The following NDUFA5 variants were observed in gnomAD, a reference collection of about 807,000 sequenced individuals.
NDUFA5 encodes NADH dehydrogenase [ubiquinone] 1 alpha subcomplex subunit 5.
NDUFA5 carries 11 observed loss-of-function variants against 19.8 expected under a neutral mutation model. The observed-to-expected ratio is 0.56, with a 90% CI of 0.35 to 0.92. The LOEUF is 0.92. NDUFA5 is among the 40% of genes least tolerant of loss of function. The probability of loss-of-function intolerance (pLI) is 0.01; values close to 1 mark genes in which losing one functional copy is unlikely to be tolerated. For missense variants in NDUFA5, 109 were observed against 134.2 expected, an observed-to-expected ratio of 0.81 and a Z score of 0.93; for synonymous variants, 47 against 46.8, an observed-to-expected ratio of 1.00 and a Z score of -0.01.
the NDUFA5 span, among the ~76,000 whole-genome samples, chr7:123,562,952 A>G: frequency 6.7e-6 from 1 of 148,270 alleles, no homozygotes; most frequent in Non-Finnish European, 1.5e-5. Flanking sequence ...CAGGCACACC[A>G]CTCCCAGCTA....
intron 2 of NDUFA5, among the ~76,000 whole-genome samples, chr7:123,553,302 A>G (rs1013806782): frequency 4.6e-5 from 7 of 152,240 alleles, no homozygotes; most frequent in Non-Finnish European, 8.8e-5. Context: ...AAGATGAAAG[A>G]GGGGCAAAGG....
the NDUFA5 span, among the ~76,000 whole-genome samples, chr7:123,586,341 A>C: frequency 6.6e-6 from 1 of 151,708 alleles, no homozygotes; most frequent in Non-Finnish European, 1.5e-5. Context: ...GATGTTGAGG[A>C]CCTTTTCACT....
chr7:123,549,842 A>G (rs933697942), intron 3 of NDUFA5, among the ~76,000 whole-genome samples: 3 of 152,220 alleles, frequency 2.0e-5, no homozygotes, highest in Admixed American at 6.5e-5. Context: ...AACGAAAGAT[A>G]GGAATTCTCT....
At chr7:123,598,294 A>C in the NDUFA5 span, among the ~76,000 whole-genome samples, 4 of 152,168 alleles carry the variant, frequency 2.6e-5, no homozygotes, top group Non-Finnish European at 5.9e-5. Context: ...GATAACAATG[A>C]TATGAAATAA....
upstream of NDUFA5, chr7:123,558,200 A>T: frequency 4.1e-6 from 1 of 241,108 alleles, no homozygotes; most frequent in East Asian, 9.7e-5. Flanking sequence ...GAAAGTGATA[A>T]CGGAGCTTGA....
upstream of NDUFA5, among the ~76,000 whole-genome samples, chr7:123,562,860 C>A (rs1798706275): frequency 6.7e-6 from 1 of 149,380 alleles, no homozygotes; most frequent in Non-Finnish European, 1.5e-5. Context: ...TGCAGCAGCA[C>A]GATCTCGCCT....
In NDUFA5 at chr7:123,541,185, G is replaced by A. The variant is rs368698780; in HGVS notation, c.*934C>T. On this transcript the variant is annotated 3_prime_UTR_variant, in exon 5 of 5. Coordinates refer to ENST00000355749, the MANE Select transcript of NDUFA5 (RefSeq NM_005000.5). The stretch of plus-strand genomic sequence containing the variant: ...GTGACTCCACTTTTAATTTATGGTC[G>A]TATGACTAAGATGTTTTGAATATAA... The A allele has an allele frequency of 1.3e-5, 2 of 152,104 alleles. No homozygotes were observed. Among genetic ancestry groups the A allele is most frequent in the Admixed American group, 6.6e-5 (1 of 15,264 alleles). The allele number at this position is 152,104 out of a possible 1,614,324, so 9.4% of individuals were successfully genotyped here.
the NDUFA5 span, among the ~76,000 whole-genome samples, chr7:123,575,787 A>AT: frequency 7.2e-6 from 1 of 138,370 alleles, no homozygotes; most frequent in Non-Finnish European, 1.6e-5. Flanking sequence ...GAATTATTTG[A>AT]TTTTTTTAAC....
the NDUFA5 span, among the ~76,000 whole-genome samples, chr7:123,569,024 T>C: frequency 1.3e-5 from 2 of 152,314 alleles, no homozygotes; most frequent in Middle Eastern, 3.4e-3. Flanking sequence ...ATATGAATGT[T>C]TTTTAAAAAC....
At chr7:123,584,476 C>T in the NDUFA5 span, among the ~76,000 whole-genome samples, 1 of 151,950 alleles carries the variant, frequency 6.6e-6, no homozygotes. Flanking sequence ...ATGGAAGTCA[C>T]ACTTAAGAGT....
upstream of NDUFA5, among the ~76,000 whole-genome samples, chr7:123,558,723 G>C (rs1448573009): frequency 6.6e-6 from 1 of 152,098 alleles, no homozygotes; most frequent in African/African-American, 2.4e-5. Flanking sequence ...TGATTGTTAA[G>C]GTAAACTGGT....
At chr7:123,552,058 G>A (rs1345193949) in intron 2 of NDUFA5, among the ~76,000 whole-genome samples, 2 of 151,820 alleles carry the variant, frequency 1.3e-5, no homozygotes, top group Admixed American at 6.6e-5. Context: ...TAATCATTAC[G>A]CCAAAACACA....
At chr7:123,557,355 T>G (rs1473878864) in intron 2 of NDUFA5, 49 bp downstream of exon 2, 1 of 1,611,916 alleles carries the variant, frequency 6.2e-7, no homozygotes, top group South Asian at 1.1e-5. Flanking sequence ...TGACAGGAAT[T>G]TAGTCTTCCT....
chr7:123,599,387 G>C, the NDUFA5 span, among the ~76,000 whole-genome samples: 1 of 152,210 alleles, frequency 6.6e-6, no homozygotes, highest in Non-Finnish European at 1.5e-5. Context: ...GCCTCATAAA[G>C]AATGGGCTGG....
At chr7:123,577,260 T>C in the NDUFA5 span, among the ~76,000 whole-genome samples, 1 of 152,158 alleles carries the variant, frequency 6.6e-6, no homozygotes, top group Non-Finnish European at 1.5e-5. Flanking sequence ...TGCATTTTAT[T>C]ACAAAAATAA....
At chr7:123,549,360 C>G (rs917232938) in intron 3 of NDUFA5, among the ~76,000 whole-genome samples, 2 of 152,138 alleles carry the variant, frequency 1.3e-5, no homozygotes, top group African/African-American at 4.8e-5. Flanking sequence ...TTGGTTGAAA[C>G]TGGCTATGGG....
At chr7:123,584,305 T>G in the NDUFA5 span, among the ~76,000 whole-genome samples, 1 of 55,640 alleles carries the variant, frequency 1.8e-5, no homozygotes, top group Admixed American at 1.6e-4. Flanking sequence ...AGAAAGGCCT[T>G]GTCAAAAAAA....
At chr7:123,550,360 A>G (rs1584695158) in intron 3 of NDUFA5, 110 bp downstream of exon 3, 3 of 700,740 alleles carry the variant, frequency 4.3e-6, no homozygotes, top group East Asian at 2.6e-5. Flanking sequence ...GGAAAAGAGC[A>G]TTCAAGGAAG....
intron 3 of NDUFA5, among the ~76,000 whole-genome samples, chr7:123,548,896 A>T (rs1798232280): frequency 6.6e-6 from 1 of 152,198 alleles, no homozygotes; most frequent in Non-Finnish European, 1.5e-5. Context: ...CTGTGGATTC[A>T]ACTAAGAATG....
Sources: gnomAD v4.1 joint callset for allele counts (sites outside exome capture counted in the v4.1 genomes callset) on GRCh38, gnomAD v4.1.1 for gene constraint, MANE v1.5 for transcripts, NCBI Gene and HGNC (gene_info 2026-07-23, HGNC 2026-07-21) for gene names.